The following UBR3 variants were observed in gnomAD, a reference collection of about 807,000 sequenced individuals.
The protein encoded by UBR3 is ubiquitin protein ligase E3 component n-recognin 3, also known as E3 ubiquitin-protein ligase UBR3.
UBR3 carries 85 observed loss-of-function variants against 243.2 expected under a neutral mutation model. The ratio of observed to expected loss-of-function variants is 0.35; its 90% CI spans 0.29 to 0.42. The LOEUF is 0.42. Ranked by LOEUF, UBR3 falls within the 10% of genes least tolerant of loss-of-function variation. The pLI, the probability that UBR3 is intolerant of heterozygous loss-of-function variation, is 1.00. For synonymous variants in UBR3, 748 were observed against 799.8 expected, an observed-to-expected ratio of 0.94 and a Z score of 1.09; for missense variants, 1,686 against 2,300.8, an observed-to-expected ratio of 0.73 and a Z score of 5.47.
In UBR3 at chr2:169,836,035, CTCTCTCTCTA is replaced by C. The variant is rs1167753433; in HGVS notation, c.545+7985_545+7994del. On this transcript the variant is annotated intron_variant, in intron 1 of 38. Coordinates refer to ENST00000272793, the MANE Select transcript of UBR3 (RefSeq NM_172070.4). Reference sequence around the variant, plus strand: ...TCTCTCTCTCTCTCTCTCTCTCTCTCTCTCTCTCTATATATATATATATATATATATATTT... The same window carrying C: ...TCTCTCTCTCTCTCTCTCTCTCTCTCTATATATATATATATATATATATTT... Among the ~76,000 whole-genome samples, 96 of 16,270 alleles carry C rather than the reference CTCTCTCTCTA, an allele frequency of 5.9e-3. 3 individuals carry two copies. Among genetic ancestry groups the C allele is most frequent in the African/African-American group, 0.014 (54 of 3,818 alleles). The allele number at this position is 16,270 out of a possible 152,430, so 10.7% of individuals were successfully genotyped here. A position where few individuals can be genotyped will look rare whatever the true frequency, so the allele number is the denominator to read the frequency against.
intron 23 of UBR3, 104 bp downstream of exon 23, chr2:169,950,169 A>C: frequency 9.6e-7 from 1 of 1,041,872 alleles, no homozygotes. Flanking sequence ...TAACAGGAAC[A>C]GTCATAGCTG....
At chr2:169,857,664 T>A (rs1470959361) in intron 1 of UBR3, among the ~76,000 whole-genome samples, 1 of 151,854 alleles carries the variant, frequency 6.6e-6, no homozygotes. Flanking sequence ...TGACCTCAGG[T>A]GATCCACCTG....
chr2:169,878,092 G>A (rs141876514), intron 4 of UBR3, among the ~76,000 whole-genome samples: 169 of 152,328 alleles, frequency 1.1e-3, no homozygotes, highest in African/African-American at 3.9e-3. Context: ...GGGCACGGAG[G>A]CTTATGCCTA....
intron 1 of UBR3, among the ~76,000 whole-genome samples, chr2:169,852,612 G>A (rs2082692388): frequency 6.6e-6 from 1 of 151,618 alleles, no homozygotes; most frequent in Non-Finnish European, 1.5e-5. Flanking sequence ...GGAGGCCAAC[G>A]CAGGCGGATC....
At chr2:169,830,182 C>T (rs2081889424) in intron 1 of UBR3, among the ~76,000 whole-genome samples, 2 of 152,116 alleles carry the variant, frequency 1.3e-5, no homozygotes, top group South Asian at 2.1e-4. Flanking sequence ...AATGTCTCTT[C>T]ATGGGCATTT....
At chr2:170,037,647 C>G (rs769675736) in intron 31 of UBR3, among the ~76,000 whole-genome samples, 16 of 152,118 alleles carry the variant, frequency 1.1e-4, no homozygotes, top group African/African-American at 3.6e-4. Context: ...CTTGGCCTCC[C>G]TAAGTGTTGG....
rs986667119 is a variant in UBR3 at position 170,061,334 on chromosome 2, G to T, written c.4910G>T (p.Trp1637Leu). ...TAACTTTAGGTTAACCCTATTGCTT[G>T]GTCTCCTGAATCCATGGAAAAATGC... ...QECAMVNPIA[W>L]SPESMEKCLQ... Residue 1637 changes from tryptophan (W) to leucine (L), a missense_variant, in exon 35 of 39, where the codon TGG (tryptophan) becomes TTG (leucine). This residue lies in a region of UBR3 where 371 missense variants were observed against 422.5 expected (regional missense o/e 0.88). Coordinates refer to ENST00000272793, the MANE Select transcript of UBR3 (RefSeq NM_172070.4). 4 of 1,613,722 alleles carry T rather than the reference G, an allele frequency of 2.5e-6. No individual in the cohort carries two copies. Among genetic ancestry groups the T allele is most frequent in the Non-Finnish European group, 3.4e-6 (4 of 1,179,910 alleles).
chr2:170,067,207 A>G (rs908696750), intron 35 of UBR3, among the ~76,000 whole-genome samples: 16 of 152,102 alleles, frequency 1.1e-4, no homozygotes, highest in Non-Finnish European at 1.8e-4. Flanking sequence ...TGAGTTTCCT[A>G]TCATAAGCTG....
At chr2:169,960,320 G>T (rs1323089740) in intron 24 of UBR3, among the ~76,000 whole-genome samples, 1 of 151,228 alleles carries the variant, frequency 6.6e-6, no homozygotes, top group Non-Finnish European at 1.5e-5. Flanking sequence ...TGAATTTTGT[G>T]TTTAGACTTG....
chr2:169,950,075 A>T lies in UBR3; in HGVS notation c.3545+10A>T. 1 of 1,531,894 alleles carries T rather than the reference A, an allele frequency of 6.5e-7. No individual in the cohort carries two copies. The highest frequency in any genetic ancestry group is 2.3e-5 in the East Asian group (1 of 44,152). 94.9% of individuals were successfully genotyped at this position (1,531,894 alleles called of 1,614,324 possible). On this transcript the variant is annotated intron_variant, in intron 23 of 38. Coordinates refer to ENST00000272793, the MANE Select transcript of UBR3 (RefSeq NM_172070.4). Reference sequence around the variant, plus strand: ...TGGACAAAGAAGAAAGGTAATTTTTATTTTTAATGTTTTAAACGTGTGTAT... The same window carrying T: ...TGGACAAAGAAGAAAGGTAATTTTTTTTTTTAATGTTTTAAACGTGTGTAT...
At chr2:170,044,292 C>T (rs908851018) in intron 32 of UBR3, among the ~76,000 whole-genome samples, 3 of 152,126 alleles carry the variant, frequency 2.0e-5, no homozygotes, top group African/African-American at 4.8e-5. Context: ...CTTACTAGAA[C>T]GTTAAATGCT....
intron 24 of UBR3, among the ~76,000 whole-genome samples, chr2:169,978,329 C>A (rs2088560408): frequency 6.6e-6 from 1 of 151,962 alleles, no homozygotes; most frequent in Admixed American, 6.6e-5. Context: ...CCTATTATGG[C>A]ACTTGGGTCT....
chr2:170,077,138 C>T (rs558075216), intron 36 of UBR3: 4 of 518,552 alleles, frequency 7.7e-6, no homozygotes, highest in African/African-American at 3.9e-5. Flanking sequence ...ACATGTAAGG[C>T]TGTTTGGTAG....
intron 35 of UBR3, among the ~76,000 whole-genome samples, chr2:170,067,379 G>A (rs570949156): frequency 6.6e-6 from 1 of 152,224 alleles, no homozygotes; most frequent in East Asian, 1.9e-4. Context: ...ATAAACAAAT[G>A]ACAGAATTGA....
chr2:169,946,609 G>T (rs898227989), intron 21 of UBR3, among the ~76,000 whole-genome samples: 5 of 151,948 alleles, frequency 3.3e-5, no homozygotes, highest in Admixed American at 3.3e-4. Context: ...CTTCAAATAC[G>T]TACAGTTTTT....
At chr2:170,066,333 ATCTTTTC>A (rs1327530856) in intron 35 of UBR3, among the ~76,000 whole-genome samples, 18 of 152,284 alleles carry the variant, frequency 1.2e-4, no homozygotes, top group African/African-American at 4.3e-4. Flanking sequence ...TAGTTCCCTT[ATCTTTTC>A]TCTCTTCTTA....
chr2:169,859,519 G>T (rs1367726591), intron 1 of UBR3, among the ~76,000 whole-genome samples: 2 of 151,860 alleles, frequency 1.3e-5, no homozygotes, highest in Non-Finnish European at 2.9e-5. Context: ...TGGGATTCCA[G>T]TATAATGCAA....
At chr2:169,928,637 ACTT>A in intron 17 of UBR3, 87 bp from the exon 18 acceptor site, 1 of 1,076,162 alleles carries the variant, frequency 9.3e-7, no homozygotes, top group Non-Finnish European at 1.3e-6. Context: ...CTATTTGTCT[ACTT>A]CAGCAAAATG....
chr2:169,933,079 C>A, intron 19 of UBR3, 71 bp downstream of exon 19: 1 of 1,035,026 alleles, frequency 9.7e-7, no homozygotes, highest in South Asian at 1.6e-5. Flanking sequence ...AGTGATAACA[C>A]AGATATGATA....
Sources: gnomAD v4.1 joint callset for allele counts (sites outside exome capture counted in the v4.1 genomes callset) on GRCh38, gnomAD v4.1.1 for gene constraint, gnomAD v4.1.1 regional missense constraint, MANE v1.5 for transcripts, NCBI Gene and HGNC (gene_info 2026-07-23, HGNC 2026-07-21) for gene names.